Variants in EEFSEC observed in about 807,000 individuals in gnomAD.
EEFSEC encodes selenocysteine-specific elongation factor.
EEFSEC carries 43 observed loss-of-function variants against 42.1 expected under a neutral mutation model. The observed-to-expected ratio is 1.02, with a 90% CI of 0.80 to 1.32. EEFSEC has a LOEUF of 1.32. Ranked by LOEUF, EEFSEC falls within the 40% of genes most tolerant of loss-of-function variation. EEFSEC has a pLI of 0.00. For synonymous variants in EEFSEC, 354 were observed against 339.1 expected, an observed-to-expected ratio of 1.04 and a Z score of -0.48; for missense variants, 745 against 803.6, an observed-to-expected ratio of 0.93 and a Z score of 0.88.
intron 2 of EEFSEC, among the ~76,000 whole-genome samples, chr3:128,256,025 G>C (rs1333791403): frequency 6.6e-6 from 1 of 152,062 alleles, no homozygotes; most frequent in Non-Finnish European, 1.5e-5. Context: ...GAAGATGGAG[G>C]CAGTATTATT....
At chr3:128,250,275 A>AT (rs1267587443) in intron 2 of EEFSEC, among the ~76,000 whole-genome samples, 2 of 151,750 alleles carry the variant, frequency 1.3e-5, no homozygotes, top group Admixed American at 6.6e-5. Context: ...CTAGTTTATC[A>AT]TTTTTTTTAA....
chr3:128,394,552 C>G (rs1171883908), intron 6 of EEFSEC, among the ~76,000 whole-genome samples: 2 of 152,030 alleles, frequency 1.3e-5, no homozygotes, highest in Non-Finnish European at 2.9e-5. Flanking sequence ...CCTTTTAAAC[C>G]AGTTATCTTA....
intron 1 of EEFSEC, among the ~76,000 whole-genome samples, chr3:128,185,957 T>C (rs1428187399): frequency 1.3e-5 from 2 of 152,224 alleles, no homozygotes; most frequent in African/African-American, 4.8e-5. Context: ...GGTATAAATA[T>C]ACCCAGGAAT....
intron 6 of EEFSEC, among the ~76,000 whole-genome samples, chr3:128,371,141 G>GT (rs2067649148): frequency 6.6e-6 from 1 of 151,958 alleles, no homozygotes; most frequent in South Asian, 2.1e-4. Context: ...GGAATTCTTT[G>GT]TTTTTTCACC....
chr3:128,264,624 C>T lies in EEFSEC; in HGVS notation c.629C>T (p.Thr210Met), dbSNP rs762292921. The change falls in exon 4 of 7, where the codon ACG (threonine) becomes ATG (methionine). Residue 210 changes from threonine to methionine, a missense_variant. Coordinates refer to ENST00000254730, the MANE Select transcript of EEFSEC (RefSeq NM_021937.5). ...QGIPELIELL[T>M]SQISIPTRDP... ...CCAGTTTCTCTTTTCTAGCTCCTGA[C>T]GTCCCAGATTTCCATCCCAACGAGA... is the stretch of plus-strand genomic sequence containing the variant. The T allele has an allele frequency of 1.9e-5, 30 of 1,613,648 alleles. No individual in the cohort carries two copies. The highest frequency in any genetic ancestry group is 2.5e-5 in the Non-Finnish European group (29 of 1,179,826).
chr3:128,364,878 T>G (rs141814799), intron 6 of EEFSEC, among the ~76,000 whole-genome samples: 1 of 151,872 alleles, frequency 6.6e-6, no homozygotes, highest in Non-Finnish European at 1.5e-5. Flanking sequence ...ACAGGCCCTT[T>G]GCTCACATCT....
intron 4 of EEFSEC, among the ~76,000 whole-genome samples, chr3:128,336,003 C>A (rs1356911296): frequency 6.6e-6 from 1 of 152,142 alleles, no homozygotes; most frequent in Non-Finnish European, 1.5e-5. Flanking sequence ...GCCTGTCAGC[C>A]ATTCAAAGAG....
At chr3:128,195,757 A>G (rs1033984560) in intron 1 of EEFSEC, among the ~76,000 whole-genome samples, 3 of 152,254 alleles carry the variant, frequency 2.0e-5, no homozygotes, top group South Asian at 4.1e-4. Context: ...CTTGAGGTCA[A>G]GATGGTAGAG....
At chr3:128,350,696 A>T (rs183281379) in intron 5 of EEFSEC, among the ~76,000 whole-genome samples, 1 of 152,284 alleles carries the variant, frequency 6.6e-6, no homozygotes, top group Non-Finnish European at 1.5e-5. Flanking sequence ...GGACAGCTTG[A>T]TGTGCTGGAA....
chr3:128,338,549 C>T (rs763147198), intron 4 of EEFSEC, among the ~76,000 whole-genome samples: 24 of 152,104 alleles, frequency 1.6e-4, no homozygotes, highest in East Asian at 3.9e-4. Flanking sequence ...GGGTTAGGGA[C>T]GAATGGGAAT....
intron 1 of EEFSEC, among the ~76,000 whole-genome samples, chr3:128,223,561 A>G (rs559483211): frequency 9.1e-4 from 138 of 152,332 alleles, no homozygotes; most frequent in Non-Finnish European, 1.8e-3. Flanking sequence ...ACAACTTGTG[A>G]TACATATTTC....
intron 4 of EEFSEC, among the ~76,000 whole-genome samples, chr3:128,325,594 G>A (rs2067055617): frequency 6.6e-6 from 1 of 152,186 alleles, no homozygotes; most frequent in African/African-American, 2.4e-5. Flanking sequence ...CTACAACCTG[G>A]TGGGATGGTC....
At chr3:128,190,834 A>G (rs556049683) in intron 1 of EEFSEC, among the ~76,000 whole-genome samples, 1 of 152,322 alleles carries the variant, frequency 6.6e-6, no homozygotes, top group Non-Finnish European at 1.5e-5. Context: ...ATGTTTAGAT[A>G]CAGTTCAAGT....
intron 4 of EEFSEC, among the ~76,000 whole-genome samples, chr3:128,308,734 C>T (rs1173292641): frequency 6.6e-6 from 1 of 152,166 alleles, no homozygotes; most frequent in African/African-American, 2.4e-5. Context: ...CTCCTCACAC[C>T]TATGGCAGCC....
At chr3:128,160,483 G>A (rs536458946) in intron 1 of EEFSEC, among the ~76,000 whole-genome samples, 1 of 151,318 alleles carries the variant, frequency 6.6e-6, no homozygotes, top group East Asian at 2.0e-4. Flanking sequence ...GGGTCCTGGA[G>A]CTCCTTGGAA....
intron 1 of EEFSEC, among the ~76,000 whole-genome samples, chr3:128,206,806 G>T (rs928812937): frequency 2.0e-5 from 3 of 152,226 alleles, no homozygotes; most frequent in Admixed American, 6.5e-5. Context: ...GCAGAGCTGG[G>T]TTGGGGACTT....
rs559084443 is a variant in EEFSEC at position 128,193,254 on chromosome 3, C to T, written c.316+39431C>T. 3.3e-5 allele frequency among the ~76,000 whole-genome samples: 5 copies of T among 152,304 alleles called. No individual in the cohort carries two copies. The South Asian group carries it at 1.0e-3, about 32-fold the overall frequency. On this transcript the variant is annotated intron_variant, in intron 1 of 6. Coordinates refer to ENST00000254730, the MANE Select transcript of EEFSEC (RefSeq NM_021937.5). ...TAAACCAGTGGGCTCAGACACAGGT[C>T]CTATTGTATAGCCACATACCCCAGA...
At chr3:128,253,907 G>T (rs1472911109) in intron 2 of EEFSEC, among the ~76,000 whole-genome samples, 1 of 152,138 alleles carries the variant, frequency 6.6e-6, no homozygotes, top group Non-Finnish European at 1.5e-5. Flanking sequence ...CCCTGAGATT[G>T]TTTAAGTTGC....
chr3:128,227,874 C>T (rs2065923519), intron 1 of EEFSEC, among the ~76,000 whole-genome samples: 1 of 152,210 alleles, frequency 6.6e-6, no homozygotes, highest in South Asian at 2.1e-4. Flanking sequence ...TCCTTGCAGC[C>T]CCTGAGTCCT....
Sources: allele counts gnomAD v4.1 joint callset (sites outside exome capture counted in the v4.1 genomes callset), GRCh38; gene constraint gnomAD v4.1.1; transcripts MANE v1.5; gene names NCBI Gene and HGNC (gene_info 2026-07-23, HGNC 2026-07-21).